Variants in TMEM272 observed in about 807,000 individuals in gnomAD.
TMEM272 encodes the protein long intergenic non-protein coding RNA 282.
In TMEM272, 8 loss-of-function variants were observed where a neutral mutation model predicts 3.7. The observed-to-expected ratio is 2.17, with a 90% CI of 1.27 to 3.91. TMEM272 has a LOEUF of 3.91. Among genes scored for constraint, TMEM272 ranks in the 30% most tolerant of loss-of-function variants. The pLI is 0.00. For synonymous variants in TMEM272, 63 were observed against 39.8 expected (o/e 1.58, Z -2.20); for missense variants, 166 against 91.5 (o/e 1.81, Z -3.32).
the TMEM272 span, among the ~76,000 whole-genome samples, chr13:51,865,006 T>C: frequency 6.6e-6 from 1 of 152,190 alleles, no homozygotes; most frequent in Non-Finnish European, 1.5e-5. Flanking sequence ...AAAACCTAAA[T>C]TCATTCGGAT....
intron 2 of TMEM272, among the ~76,000 whole-genome samples, chr13:51,835,998 A>T (rs1444815041): frequency 6.6e-6 from 1 of 152,204 alleles, no homozygotes; most frequent in East Asian, 1.9e-4. Context: ...GGTCCAGTCT[A>T]GGCTGAAGTA....
At chr13:51,888,790 C>G in the TMEM272 span, among the ~76,000 whole-genome samples, 1 of 151,734 alleles carries the variant, frequency 6.6e-6, no homozygotes, top group Non-Finnish European at 1.5e-5. Context: ...GGATTACAGG[C>G]ACCTGCCACC....
the TMEM272 span, among the ~76,000 whole-genome samples, chr13:51,851,065 T>C: frequency 6.6e-6 from 1 of 152,176 alleles, no homozygotes; most frequent in Non-Finnish European, 1.5e-5. Flanking sequence ...TTAAGATTTG[T>C]TTAAAAGAAG....
At chr13:51,890,056 A>C in the TMEM272 span, among the ~76,000 whole-genome samples, 1 of 152,184 alleles carries the variant, frequency 6.6e-6, no homozygotes, top group African/African-American at 2.4e-5. Context: ...GGGAGTGCTG[A>C]GCAACACTGG....
chr13:51,928,064 G>A, the TMEM272 span, among the ~76,000 whole-genome samples: 2 of 151,934 alleles, frequency 1.3e-5, no homozygotes, highest in Admixed American at 6.6e-5. Flanking sequence ...CACTGAGGTG[G>A]AGGACACATG....
the TMEM272 span, among the ~76,000 whole-genome samples, chr13:51,928,412 C>T: frequency 7.2e-5 from 11 of 152,216 alleles, no homozygotes; most frequent in Non-Finnish European, 1.5e-5. Context: ...CCTCATCATA[C>T]CCTCATGGCA....
chr13:51,930,379 G>A, the TMEM272 span: 1 of 152,116 alleles, frequency 6.6e-6, no homozygotes, highest in African/African-American at 2.4e-5. Context: ...TTCAACCACT[G>A]TCATTGTCTT....
At chr13:51,845,541 T>C (rs1039899691), upstream of TMEM272, among the ~76,000 whole-genome samples, 1 of 152,118 alleles carries the variant, frequency 6.6e-6, no homozygotes, top group Non-Finnish European at 1.5e-5. Flanking sequence ...CCTATGGACT[T>C]CAGGACTGCC....
At chr13:51,920,979 A>C in the TMEM272 span, among the ~76,000 whole-genome samples, 2 of 152,202 alleles carry the variant, frequency 1.3e-5, no homozygotes, top group South Asian at 4.1e-4. Context: ...GATTCCCCTT[A>C]GGCTCAAACT....
rs1479165807 is a variant in TMEM272 at position 51,813,568 on chromosome 13, C to T, written c.*3183G>A. On this transcript the variant is annotated 3_prime_UTR_variant, in exon 5 of 5. Coordinates refer to ENST00000629372, the MANE Select transcript of TMEM272 (RefSeq NM_001351003.2). ...GCCAGTCCAGGCTGTATGTGTGGCCCGAGTGCACACATGCGGTTTCTCTGG... is the reference window on the plus strand; with the variant it reads ...GCCAGTCCAGGCTGTATGTGTGGCCTGAGTGCACACATGCGGTTTCTCTGG... 1.4e-5 allele frequency: 4 copies of T among 282,084 alleles called. No homozygotes were observed. The highest frequency in any genetic ancestry group is 8.7e-5 in the African/African-American group (4 of 45,718). 17.5% of individuals were successfully genotyped at this position (282,084 alleles called of 1,614,324 possible).
chr13:51,925,991 G>A, the TMEM272 span, among the ~76,000 whole-genome samples: 2 of 152,108 alleles, frequency 1.3e-5, no homozygotes, highest in South Asian at 2.1e-4. Context: ...ATGTGTCTAT[G>A]TGTATGTGGT....
At chr13:51,903,093 G>A in the TMEM272 span, among the ~76,000 whole-genome samples, 1 of 152,314 alleles carries the variant, frequency 6.6e-6, no homozygotes, top group South Asian at 2.1e-4. Flanking sequence ...GGTTTTGACA[G>A]GTCAGTTTGT....
At chr13:51,833,569 G>C (rs757627329) in intron 2 of TMEM272, among the ~76,000 whole-genome samples, 6 of 152,160 alleles carry the variant, frequency 3.9e-5, no homozygotes. Flanking sequence ...AATGACTGAA[G>C]TGCAGTGCTC....
chr13:51,840,853 G>A (rs1956256808), intron 1 of TMEM272, among the ~76,000 whole-genome samples: 2 of 152,198 alleles, frequency 1.3e-5, no homozygotes, highest in Admixed American at 1.3e-4. Flanking sequence ...CCACAGCCCT[G>A]AGGAAACCAC....
the TMEM272 span, among the ~76,000 whole-genome samples, chr13:51,852,220 C>G: frequency 6.6e-6 from 1 of 152,212 alleles, no homozygotes; most frequent in Non-Finnish European, 1.5e-5. Flanking sequence ...TTTTCTTAAT[C>G]AATTGCATTT....
At chr13:51,881,126 G>A in the TMEM272 span, among the ~76,000 whole-genome samples, 2 of 152,148 alleles carry the variant, frequency 1.3e-5, no homozygotes, top group Non-Finnish European at 2.9e-5. Flanking sequence ...CCGAACAACT[G>A]AATAACACTG....
chr13:51,922,186 G>A, the TMEM272 span, among the ~76,000 whole-genome samples: 10 of 152,138 alleles, frequency 6.6e-5, no homozygotes, highest in African/African-American at 1.4e-4. Context: ...TTCACAGTTC[G>A]TTGGGAAATG....
chr13:51,860,775 CATAT>C, the TMEM272 span, among the ~76,000 whole-genome samples: 1 of 145,730 alleles, frequency 6.9e-6, no homozygotes, highest in South Asian at 2.2e-4. Flanking sequence ...ACTTTGTATA[CATAT>C]ACTTTTATAT....
the TMEM272 span, among the ~76,000 whole-genome samples, chr13:51,918,364 T>C: frequency 6.6e-6 from 1 of 152,276 alleles, no homozygotes; most frequent in East Asian, 1.9e-4. Flanking sequence ...TCTCAGTGTC[T>C]GGATATTTTA....
Sources: gnomAD v4.1 joint callset for allele counts (sites outside exome capture counted in the v4.1 genomes callset) on GRCh38, gnomAD v4.1.1 for gene constraint, MANE v1.5 for transcripts, NCBI Gene and HGNC (gene_info 2026-07-23, HGNC 2026-07-21) for gene names.